Variants in LRTM3 observed in about 807,000 individuals in gnomAD.
LRTM3 encodes the protein leucine rich repeat transmembrane protein 3.
chr13:102,736,162 C>G, the LRTM3 span: 1 of 1,545,822 alleles, frequency 6.5e-7, no homozygotes, highest in South Asian at 1.2e-5. Context: ...ATATAGGAAG[C>G]TTTGGTTGTG....
At chr13:102,742,087 C>A in the LRTM3 span, 2 of 1,550,340 alleles carry the variant, frequency 1.3e-6, no homozygotes, top group African/African-American at 2.7e-5. Flanking sequence ...TGTCTTTCTC[C>A]ATTTTTACTT....
At chr13:102,735,428 CCTT>C in the LRTM3 span, 1 of 1,551,256 alleles carries the variant, frequency 6.4e-7, no homozygotes, top group South Asian at 1.2e-5. Context: ...GTTCTCCTGT[CCTT>C]CTGTTGTATC....
At chr13:102,747,117 G>C in the LRTM3 span, 2 of 1,550,864 alleles carry the variant, frequency 1.3e-6, no homozygotes, top group African/African-American at 1.4e-5. Context: ...TTAGCATCTA[G>C]TGTGTTTTGG....
At chr13:102,736,869 A>G in the LRTM3 span, 1 of 1,551,126 alleles carries the variant, frequency 6.4e-7, no homozygotes, top group African/African-American at 1.4e-5. Flanking sequence ...GTATATTTTA[A>G]TTTCCCTGTA....
At chr13:102,738,353 T>A in the LRTM3 span, 2 of 1,550,940 alleles carry the variant, frequency 1.3e-6, no homozygotes, top group Non-Finnish European at 1.7e-6. Context: ...TGGAAGATAG[T>A]ATCTTGTTAT....
the LRTM3 span, chr13:102,739,368 C>G: frequency 6.5e-7 from 1 of 1,549,872 alleles, no homozygotes; most frequent in Non-Finnish European, 8.7e-7. Flanking sequence ...CTTAAACTGT[C>G]TCTATTAATT....
At chr13:102,732,046 C>A in the LRTM3 span, 3 of 1,551,242 alleles carry the variant, frequency 1.9e-6, no homozygotes, top group Non-Finnish European at 2.6e-6. Context: ...GAAGTTTCTG[C>A]ATTTGTTGTT....
At chr13:102,748,466 C>G in the LRTM3 span, 1 of 1,551,182 alleles carries the variant, frequency 6.4e-7, no homozygotes, top group Non-Finnish European at 8.7e-7. Context: ...TGGAAAGCAC[C>G]TTTGCGTTTT....
At chr13:102,747,750 C>T in the LRTM3 span, 1 of 1,551,142 alleles carries the variant, frequency 6.4e-7, no homozygotes, top group Non-Finnish European at 8.7e-7. Context: ...TTCACCTTCT[C>T]AACTTGAAAT....
At chr13:102,755,931 G>GTGTGTGTGTGTGTGTGTA in the LRTM3 span, among the ~76,000 whole-genome samples, 4 of 115,522 alleles carry the variant, frequency 3.5e-5, no homozygotes, top group African/African-American at 1.4e-4. Context: ...GTGTGTGTGT[G>GTGTGTGTGTGTGTGTGTA]TATATATATA....
the LRTM3 span, among the ~76,000 whole-genome samples, chr13:102,754,718 G>C: frequency 6.6e-6 from 1 of 152,050 alleles, no homozygotes; most frequent in African/African-American, 2.4e-5. Context: ...ATGTCCTTTG[G>C]CCTCTCCCCA....
At chr13:102,750,044 G>A in the LRTM3 span, 1 of 1,549,986 alleles carries the variant, frequency 6.5e-7, no homozygotes, top group African/African-American at 1.4e-5. Flanking sequence ...TCTAGATGCT[G>A]AAAAGCTAAG....
the LRTM3 span, chr13:102,732,101 A>G: frequency 6.4e-7 from 1 of 1,551,302 alleles, no homozygotes; most frequent in Non-Finnish European, 8.7e-7. Flanking sequence ...TGTGTTTGTA[A>G]AATTCTGTTC....
the LRTM3 span, among the ~76,000 whole-genome samples, chr13:102,750,865 A>G: frequency 1.9e-3 from 290 of 152,288 alleles, 1 homozygote; most frequent in African/African-American, 6.7e-3. Context: ...ATTTTAGGGA[A>G]GCACGTCTCA....
chr13:102,737,871 A>C, the LRTM3 span: 4 of 1,550,724 alleles, frequency 2.6e-6, no homozygotes, highest in Non-Finnish European at 3.5e-6. Flanking sequence ...TGGGTTAGAG[A>C]AGAATTGGAA....
chr13:102,734,309 AT>A, the LRTM3 span: 2 of 1,551,230 alleles, frequency 1.3e-6, no homozygotes, highest in African/African-American at 2.7e-5. Flanking sequence ...TGCTGATGGC[AT>A]TAGTGGAAGT....
At chr13:102,741,601 C>T in the LRTM3 span, 1 of 1,550,302 alleles carries the variant, frequency 6.5e-7, no homozygotes, top group African/African-American at 1.4e-5. Context: ...CCATAGACCC[C>T]AGGTTTGTCA....
At chr13:102,730,978 A>G in the LRTM3 span, 1 of 1,551,500 alleles carries the variant, frequency 6.4e-7, no homozygotes, top group Middle Eastern at 1.7e-4. Flanking sequence ...TGGTCATTGC[A>G]TAAGATTCTC....
chr13:102,734,915 T>C, the LRTM3 span: 81 of 1,551,090 alleles, frequency 5.2e-5, no homozygotes, highest in Non-Finnish European at 6.6e-5. Flanking sequence ...TTTTCCTTTT[T>C]GTAGATAGAT....
Sources: gnomAD v4.1 joint callset for allele counts (sites outside exome capture counted in the v4.1 genomes callset) on GRCh38, gnomAD v4.1.1 for gene constraint, MANE v1.5 for transcripts, NCBI Gene and HGNC (gene_info 2026-07-23, HGNC 2026-07-21) for gene names.